PTPRJ: variants seen among roughly 807,000 people sequenced by gnomAD.
PTPRJ encodes the protein receptor-type tyrosine-protein phosphatase eta.
In PTPRJ, 129 loss-of-function variants were observed where a neutral mutation model predicts 141.3. That is an observed-to-expected ratio of 0.91 (90% confidence interval 0.79 to 1.06). The LOEUF (loss-of-function observed/expected upper bound fraction) is 1.06. Ranked by LOEUF, PTPRJ falls within the 50% of genes least tolerant of loss-of-function variation. The pLI, the probability that PTPRJ is intolerant of heterozygous loss-of-function variation, is 0.00. For synonymous variants in PTPRJ, 610 were observed against 640.5 expected, an observed-to-expected ratio of 0.95 and a Z score of 0.72; for missense variants, 1,601 against 1,679.7, an observed-to-expected ratio of 0.95 and a Z score of 0.82.
At chr11:48,027,358 A>G (rs1454691576) in intron 1 of PTPRJ, among the ~76,000 whole-genome samples, 4 of 152,008 alleles carry the variant, frequency 2.6e-5, no homozygotes, top group African/African-American at 9.7e-5. Context: ...GTAAGAACCC[A>G]GGATATAGAG....
At chr11:48,157,333 A>G (rs1343747098) in intron 21 of PTPRJ, among the ~76,000 whole-genome samples, 3 of 152,146 alleles carry the variant, frequency 2.0e-5, no homozygotes, top group Admixed American at 2.0e-4. Context: ...AATTGATGTG[A>G]AGAGAACTGA....
At chr11:48,063,838 C>G (rs1008446509) in intron 1 of PTPRJ, among the ~76,000 whole-genome samples, 1 of 151,820 alleles carries the variant, frequency 6.6e-6, no homozygotes, top group Non-Finnish European at 1.5e-5. Flanking sequence ...ACTTTTTCGC[C>G]CTTCTGTTTA....
Position 48,163,628 on chromosome 11 carries a change from T to A in PTPRJ, c.3719+10T>A. On this transcript the variant is annotated intron_variant, in intron 23 of 24. Coordinates refer to ENST00000418331, the MANE Select transcript of PTPRJ (RefSeq NM_002843.4). Reference sequence around the variant, plus strand: ...TTCTGGTGCATTGCAGGTACGCAGATGGCACGTCACGTGTGACAGATTTCA... The same window carrying A: ...TTCTGGTGCATTGCAGGTACGCAGAAGGCACGTCACGTGTGACAGATTTCA... 6.2e-7 allele frequency: 1 copy of A among 1,608,306 alleles called. No homozygotes were observed. Among genetic ancestry groups the A allele is most frequent in the Non-Finnish European group, 8.5e-7 (1 of 1,174,686 alleles).
At chr11:48,124,587 AG>A (rs1247777172) in intron 5 of PTPRJ, among the ~76,000 whole-genome samples, 1 of 152,124 alleles carries the variant, frequency 6.6e-6, no homozygotes, top group Non-Finnish European at 1.5e-5. Context: ...CCCACCAACC[AG>A]GGTCTGGTCC....
chr11:47,991,648 A>G (rs1854196411), intron 1 of PTPRJ, among the ~76,000 whole-genome samples: 2 of 152,188 alleles, frequency 1.3e-5, no homozygotes, highest in Admixed American at 1.3e-4. Flanking sequence ...TGACCAGGAC[A>G]TGGAGAACTA....
At chr11:47,982,531 A>T (rs1221936959) in intron 1 of PTPRJ, among the ~76,000 whole-genome samples, 1 of 152,198 alleles carries the variant, frequency 6.6e-6, no homozygotes, top group Non-Finnish European at 1.5e-5. Context: ...GTCTGAAGTT[A>T]AAAAAGCCTT....
chr11:48,123,874 A>C lies in PTPRJ; in HGVS notation c.874+4A>C. 6.2e-7 allele frequency: 1 copy of C among 1,612,844 alleles called. No individual in the cohort carries two copies. Among genetic ancestry groups the C allele is most frequent in the Non-Finnish European group, 8.5e-7 (1 of 1,179,124 alleles). ...TTGGGCACAGAAGGTGGCTTGGGTG[A>C]GTTACAAAGGGTACCTTCCGTCTCC... On this transcript the variant is annotated splice_donor_region_variant and intron_variant, in intron 5 of 24. Coordinates refer to ENST00000418331, the MANE Select transcript of PTPRJ (RefSeq NM_002843.4).
At chr11:48,034,187 C>T (rs868756118) in intron 1 of PTPRJ, among the ~76,000 whole-genome samples, 79 of 152,228 alleles carry the variant, frequency 5.2e-4, no homozygotes, top group African/African-American at 1.8e-3. Context: ...CGAGATGGCA[C>T]GTGGGGAGGA....
At chr11:48,152,809 A>G (rs1185071367) in intron 18 of PTPRJ, among the ~76,000 whole-genome samples, 2 of 152,158 alleles carry the variant, frequency 1.3e-5, no homozygotes, top group Admixed American at 6.5e-5. Context: ...TACCAGTGCC[A>G]TGCTCTTTTG....
intron 1 of PTPRJ, among the ~76,000 whole-genome samples, chr11:48,035,538 CTTTTTTTTTTTTTTTTT>C (rs66504227): frequency 1.6e-5 from 1 of 61,740 alleles, no homozygotes; most frequent in Non-Finnish European, 3.0e-5. Flanking sequence ...CTTTCTTCTT[CTTTTTTTTTTTTTTTTT>C]TTTTTTTTTT....
At chr11:48,102,812 A>G (rs940503475) in intron 1 of PTPRJ, among the ~76,000 whole-genome samples, 2 of 152,142 alleles carry the variant, frequency 1.3e-5, no homozygotes, top group Admixed American at 1.3e-4. Context: ...GGGAGCCTCA[A>G]TTTAGGACCC....
chr11:48,163,422 T>G (rs11039553), intron 22 of PTPRJ, 36 bp from the exon 23 acceptor site: 4 of 369,938 alleles, frequency 1.1e-5, no homozygotes, highest in African/African-American at 5.3e-5. Flanking sequence ...TAGGCAGCCT[T>G]TCTGTCTGGA....
At chr11:48,014,277 C>T (rs1332290616) in intron 1 of PTPRJ, 1 of 152,154 alleles carries the variant, frequency 6.6e-6, no homozygotes, top group Non-Finnish European at 1.5e-5. Context: ...TTGGAGAACT[C>T]TGGCCTGAAC....
At chr11:48,037,600 C>T (rs1426925306) in intron 1 of PTPRJ, among the ~76,000 whole-genome samples, 1 of 152,034 alleles carries the variant, frequency 6.6e-6, no homozygotes, top group East Asian at 1.9e-4. Context: ...TCACTTGAGT[C>T]CAGGAGTTCG....
Position 48,007,466 on chromosome 11 carries a change from G to A in PTPRJ, c.96+26458G>A, listed in dbSNP as rs1049294825. Among the ~76,000 whole-genome samples, 8 of 151,284 alleles carry A rather than the reference G, an allele frequency of 5.3e-5. No individual in the cohort carries two copies. In the South Asian group the frequency reaches 8.4e-4, roughly 16 times the overall value. ...TGTGTCACCCAGACTGTAGTGCAGT[G>A]GCACAATCTTGGTGCAACCTCCGTC... On this transcript the variant is annotated intron_variant, in intron 1 of 24. Transcript: ENST00000418331.
rs145640741 is a variant in PTPRJ, at chr11:47,998,734, T to A, written c.96+17726T>A. Among the ~76,000 whole-genome samples, 13 of 152,362 alleles carry A rather than the reference T, an allele frequency of 8.5e-5. No homozygotes were observed. The East Asian group carries it at 2.5e-3, about 29-fold the overall frequency. On this transcript the variant is annotated intron_variant, in intron 1 of 24. Coordinates refer to ENST00000418331, the MANE Select transcript of PTPRJ (RefSeq NM_002843.4). The stretch of plus-strand genomic sequence containing the variant: ...CTGCTGTCATTATTATTGTTTCAAC[T>A]ACCAGTGATCATAAAGGATGCCTGC...
intron 1 of PTPRJ, among the ~76,000 whole-genome samples, chr11:47,987,640 C>T (rs533932520): frequency 6.2e-4 from 94 of 152,346 alleles, no homozygotes; most frequent in African/African-American, 2.2e-3. Flanking sequence ...TGAGGGACAG[C>T]CAGTCCCTAA....
rs3071027 is a variant in PTPRJ, at chr11:48,168,530, CTGTG to C, written c.*1170_*1173del. ...CTGCCGTGACACATATCGGAATCTACTGTGTATATATATATATATATATATATAT... is the reference window on the plus strand; with the variant it reads ...CTGCCGTGACACATATCGGAATCTACTATATATATATATATATATATATAT... On this transcript the variant is annotated 3_prime_UTR_variant, in exon 25 of 25. Coordinates refer to ENST00000418331, the MANE Select transcript of PTPRJ (RefSeq NM_002843.4). The C allele has an allele frequency of 4.0e-5, 1 of 24,860 alleles. No individual in the cohort carries two copies. The highest frequency in any genetic ancestry group is 2.0e-4 in the African/African-American group (1 of 5,070). 1.5% of individuals were successfully genotyped at this position (24,860 alleles called of 1,614,324 possible).
At chr11:48,146,677 G>A (rs575912526) in intron 14 of PTPRJ, among the ~76,000 whole-genome samples, 199 bp from the exon 15 acceptor site, 1 of 152,154 alleles carries the variant, frequency 6.6e-6, no homozygotes, top group African/African-American at 2.4e-5. Flanking sequence ...CCTGGCTTCT[G>A]CATGCATAGA....
Sources: allele counts gnomAD v4.1 joint callset (sites outside exome capture counted in the v4.1 genomes callset), GRCh38; gene constraint gnomAD v4.1.1; transcripts MANE v1.5; gene names NCBI Gene and HGNC (gene_info 2026-07-23, HGNC 2026-07-21).